The following LPL variants were observed in gnomAD, a reference collection of about 807,000 sequenced individuals.
LPL encodes the protein phospholipase A1.
LPL carries 43 observed loss-of-function variants against 52.2 expected under a neutral mutation model. The ratio of observed to expected loss-of-function variants is 0.82; its 90% confidence interval spans 0.64 to 1.06. The LOEUF (loss-of-function observed/expected upper bound fraction) is 1.06, where lower values mean the gene tolerates loss of function less well. Ranked by LOEUF, LPL falls within the 50% of genes least tolerant of loss-of-function variation. LPL has a pLI of 0.00. For missense variants in LPL, 639 were observed against 585.3 expected (o/e 1.09, Z -0.95); for synonymous variants, 244 against 215.6 (o/e 1.13, Z -1.15).
Position 19,939,915 on chromosome 8 carries a change from G to A in LPL, c.88+387G>A, listed in dbSNP as rs1590134651. On this transcript the variant is annotated intron_variant, in intron 1 of 9. Coordinates refer to ENST00000650287, the MANE Select transcript of LPL (RefSeq NM_000237.3). This position sits in a 1 kb window ranked among gnomAD's most constrained non-coding sequence, Gnocchi z 4.0. Reference sequence around the variant, plus strand: ...GACCTGCAGTCACCTCTCTGCCGGAGGGGCCCTGGAATGAAAGGCGCGCGG... The same window carrying A: ...GACCTGCAGTCACCTCTCTGCCGGAAGGGCCCTGGAATGAAAGGCGCGCGG... 6.6e-6 allele frequency among the ~76,000 whole-genome samples: 1 copy of A among 152,196 alleles called. No individual in the cohort carries two copies. Among genetic ancestry groups the A allele is most frequent in the African/African-American group, 2.4e-5 (1 of 41,466 alleles).
intron 1 of LPL, among the ~76,000 whole-genome samples, chr8:19,943,367 C>A (rs544838447): frequency 5.9e-5 from 9 of 152,088 alleles, no homozygotes; most frequent in Middle Eastern, 3.4e-3. Flanking sequence ...CAATAATGTA[C>A]CTTTGAAAAA....
rs118204073 is a variant in LPL at position 19,951,825 on chromosome 8, A to C, written c.306A>C (p.Arg102Ser). 1 of 1,614,070 alleles carries C rather than the reference A, an allele frequency of 6.2e-7. No individual in the cohort carries two copies. Among genetic ancestry groups the C allele is most frequent in the Non-Finnish European group, 8.5e-7 (1 of 1,180,046 alleles). ...AACTTGTGGCCGCCCTGTACAAGAGAGAACCAGACTCCAATGTCATTGTGG... is the reference window on the plus strand; with the variant it reads ...AACTTGTGGCCGCCCTGTACAAGAGCGAACCAGACTCCAATGTCATTGTGG... The part of the protein sequence containing the change: ...VPKLVAALYK[R>S]EPDSNVIVVD... Residue 102 changes from arginine (R) to serine (S), a missense_variant, in exon 3 of 10, where the codon AGA becomes AGC. Arg to Ser is a moderately radical substitution (Grantham distance 110). Coordinates refer to ENST00000650287, the MANE Select transcript of LPL (RefSeq NM_000237.3).
intron 1 of LPL, among the ~76,000 whole-genome samples, chr8:19,946,338 G>C (rs1183141817): frequency 2.0e-5 from 3 of 152,044 alleles, no homozygotes; most frequent in Non-Finnish European, 4.4e-5. Context: ...AGGTGTGTGT[G>C]CACGTGTGTG....
At chr8:19,949,316 G>A (rs1590139960) in intron 2 of LPL, among the ~76,000 whole-genome samples, 2 of 151,984 alleles carry the variant, frequency 1.3e-5, no homozygotes, top group African/African-American at 4.8e-5. Flanking sequence ...GAGGACAATC[G>A]CTACAATTTT....
At position 19,939,797 on chromosome 8, in the gene LPL, AC is replaced by A. The variant is rs890264824; in HGVS notation, c.88+271del. ...CGCTATCCCTTCCACTCTGGCTGGG[AC>A]CGCGTTCCCGGGCTCGCAGGCTCCG... On this transcript the variant is annotated intron_variant, in intron 1 of 9. Transcript: ENST00000650287. The surrounding 1 kb of genome is among the most constrained non-coding windows in gnomAD (Gnocchi z 4.0). 6.6e-6 allele frequency among the ~76,000 whole-genome samples: 1 copy of A among 151,974 alleles called. No homozygotes were observed. The highest frequency in any genetic ancestry group is 2.4e-5 in the African/African-American group (1 of 41,370).
intron 9 of LPL, among the ~76,000 whole-genome samples, chr8:19,963,435 C>CA (rs377320060): frequency 0.51 from 68,063 of 132,474 alleles, 16,909 homozygotes; most frequent in African/African-American, 0.63. Flanking sequence ...GACTCCATCT[C>CA]AAAAAAAAAA....
intron 4 of LPL, 112 bp from the exon 5 acceptor site, chr8:19,954,008 G>A: frequency 1.3e-6 from 1 of 782,178 alleles, no homozygotes; most frequent in African/African-American, 1.7e-5. Context: ...TAGAATAGGA[G>A]CTAATAAGAA....
chr8:19,940,973 T>C (rs1352345710), intron 1 of LPL, among the ~76,000 whole-genome samples: 3 of 152,066 alleles, frequency 2.0e-5, no homozygotes, highest in Non-Finnish European at 4.4e-5. Flanking sequence ...CCTGTGCCTG[T>C]GGTCCCAGAT....
At chr8:19,957,588 TCAC>T (rs1200161229) in intron 6 of LPL, among the ~76,000 whole-genome samples, 1 of 152,182 alleles carries the variant, frequency 6.6e-6, no homozygotes, top group Non-Finnish European at 1.5e-5. Flanking sequence ...TAGGGGCACC[TCAC>T]CACTCCCAGC....
In LPL at chr8:19,939,418, C is replaced by A; in HGVS notation, c.-23C>A. On this transcript the variant is annotated 5_prime_UTR_variant, in exon 1 of 10. Transcript: ENST00000650287. This position sits in a 1 kb window ranked among gnomAD's most constrained non-coding sequence, Gnocchi z 4.0. ...ATCAGTCGGTCCGCGCCTTGCAGCT[C>A]CTCCAGAGGGACGCGCCCCGAGATG... is the stretch of plus-strand genomic sequence containing the variant. 1 of 1,594,636 alleles carries A rather than the reference C, an allele frequency of 6.3e-7. No individual in the cohort carries two copies.
rs1385911121 is a variant in LPL, at chr8:19,955,837, C to T, written c.776-4C>T. The T allele has an allele frequency of 6.2e-7, 1 of 1,614,066 alleles. No individual in the cohort carries two copies. Among genetic ancestry groups the T allele is most frequent in the Admixed American group, 1.7e-5 (1 of 60,016 alleles). ...TACAATCTTGGTGTCTCTTTTTTAC[C>T]CAGATGTGGACCAGCTAGTGAAGTG... On this transcript the variant is annotated splice_region_variant and splice_polypyrimidine_tract_variant and intron_variant, in intron 5 of 9. Coordinates refer to ENST00000650287, the MANE Select transcript of LPL (RefSeq NM_000237.3).
intron 1 of LPL, among the ~76,000 whole-genome samples, chr8:19,945,025 C>T (rs1190807512): frequency 6.6e-6 from 1 of 152,088 alleles, no homozygotes; most frequent in Admixed American, 6.6e-5. Flanking sequence ...CTCCTGTACT[C>T]CTCTTCTTTC....
intron 1 of LPL, chr8:19,946,585 AG>A (rs1463504486): frequency 3.9e-5 from 12 of 308,656 alleles, no homozygotes; most frequent in South Asian, 1.0e-4. Flanking sequence ...TTGAAAAAAA[AG>A]AGCAAATTTA....
At chr8:19,962,048 C>T (rs961397397) in intron 8 of LPL, 67 bp from the exon 9 acceptor site, 1 of 1,052,584 alleles carries the variant, frequency 9.5e-7, no homozygotes, top group Non-Finnish European at 1.5e-6. Flanking sequence ...CCTGACAGAA[C>T]TGTACCTTTG....
At chr8:19,958,805 G>T (rs2070010734) in intron 6 of LPL, among the ~76,000 whole-genome samples, 1 of 152,168 alleles carries the variant, frequency 6.6e-6, no homozygotes, top group Non-Finnish European at 1.5e-5. Flanking sequence ...CAGGGTGGAG[G>T]ACAGACCTAC....
At chr8:19,965,145 A>G (rs553026242) in intron 9 of LPL, among the ~76,000 whole-genome samples, 165 bp from the exon 10 acceptor site, 29 of 152,178 alleles carry the variant, frequency 1.9e-4, no homozygotes, top group African/African-American at 7.0e-4. Context: ...CAAACCTGCC[A>G]TTCTCTGATC....
At chr8:19,963,578 T>C (rs1162877780) in intron 9 of LPL, among the ~76,000 whole-genome samples, 8 of 152,078 alleles carry the variant, frequency 5.3e-5, no homozygotes, top group Non-Finnish European at 2.9e-5. Flanking sequence ...AAAAATAAAA[T>C]AAAATCACTG....
chr8:19,964,692 C>G (rs2070070276), intron 9 of LPL, among the ~76,000 whole-genome samples: 1 of 152,012 alleles, frequency 6.6e-6, no homozygotes, highest in Non-Finnish European at 1.5e-5. Context: ...CCATGCCCAG[C>G]TAATTTTTCT....
chr8:19,948,191 T>A lies in LPL; in HGVS notation c.100T>A (p.Phe34Ile). Reference protein sequence around the residue: ...GVAAADQRRDFIDIESKFALR... With the variant: ...GVAAADQRRDIIDIESKFALR... ...TTTTTCCTTTCCAGAAAGAAGAGAT[T>A]TTATCGACATCGAAAGTAAATTTGC... The change falls in exon 2 of 10, where the codon TTT (phenylalanine) becomes ATT (isoleucine). Residue 34 changes from phenylalanine to isoleucine, a missense_variant. Phe to Ile is a conservative substitution (Grantham distance 21, BLOSUM62 0). Transcript: ENST00000650287. The A allele has an allele frequency of 1.2e-6, 2 of 1,614,150 alleles. No individual in the cohort carries two copies. Among genetic ancestry groups the A allele is most frequent in the Non-Finnish European group, 1.7e-6 (2 of 1,180,006 alleles).
Sources: allele counts gnomAD v4.1 joint callset (sites outside exome capture counted in the v4.1 genomes callset), GRCh38; gene constraint gnomAD v4.1.1; non-coding constraint Gnocchi (gnomAD v3.1); transcripts MANE v1.5; gene names NCBI Gene and HGNC (gene_info 2026-07-23, HGNC 2026-07-21).